Variants in RPGRIP1L observed in about 807,000 individuals in gnomAD.
The protein encoded by RPGRIP1L is protein fantom.
Under a neutral mutation model 160.4 loss-of-function variants are expected in RPGRIP1L, and 131 were observed. The ratio of observed to expected loss-of-function variants is 0.82; its 90% CI spans 0.71 to 0.94. The LOEUF is 0.94. RPGRIP1L is among the 40% of genes least tolerant of loss of function. The pLI is 0.00. For missense variants in RPGRIP1L, 1,522 were observed against 1,535.8 expected (o/e 0.99, Z 0.15); for synonymous variants, 510 against 515.8 (o/e 0.99, Z 0.15).
chr16:53,684,731 TAAAGTATA>T (rs1027912487), intron 6 of RPGRIP1L, among the ~76,000 whole-genome samples: 9 of 150,718 alleles, frequency 6.0e-5, no homozygotes, highest in Non-Finnish European at 1.2e-4. Flanking sequence ...CCCTAAAACT[TAAAGTATA>T]ATAATAATAA....
At chr16:53,679,447 G>A (rs1046589312) in intron 6 of RPGRIP1L, among the ~76,000 whole-genome samples, 3 of 151,514 alleles carry the variant, frequency 2.0e-5, no homozygotes, top group Non-Finnish European at 2.9e-5. Context: ...TGTCACCGAC[G>A]ATGGAGTGCA....
At position 53,692,176 on chromosome 16, in the gene RPGRIP1L, A is replaced by G. The variant is rs777015830; in HGVS notation, c.419T>C (p.Leu140Pro). 1 of 1,613,938 alleles carries G rather than the reference A, an allele frequency of 6.2e-7. No individual in the cohort carries two copies. The highest frequency in any genetic ancestry group is 1.7e-5 in the Admixed American group (1 of 59,992). The change falls in exon 4 of 27, where the codon CTT (leucine) becomes CCT (proline). Residue 140 changes from leucine to proline, a missense_variant. Coordinates refer to ENST00000647211, the MANE Select transcript of RPGRIP1L (RefSeq NM_015272.5). ...KNRLISAKQQ[L>P]QTQGYRQTPY... ...AGTTTGCCTGTAACCCTGGGTTTGAAGTTGCTGTTTGGCTGAAATCAGTCT... is the reference window on the plus strand; with the variant it reads ...AGTTTGCCTGTAACCCTGGGTTTGAGGTTGCTGTTTGGCTGAAATCAGTCT...
rs377004672 is a variant in RPGRIP1L, at chr16:53,692,315, G to A, written c.280C>T (p.Arg94Trp). 14 of 1,613,946 alleles carry A rather than the reference G, an allele frequency of 8.7e-6. No homozygotes were observed. The highest frequency in any genetic ancestry group is 1.6e-4 in the Middle Eastern group (1 of 6,062). ...RLVNDKKRYE[R>W]VGGGPKRLGR... ...AGCCGCTTGGGGCCGCCACCAACCC[G>A]CTCATATCTTTTCTTGTCATTAACT... The change falls in exon 4 of 27, where the codon CGG becomes TGG. Residue 94 changes from arginine (R) to tryptophan (W), a missense_variant. Coordinates refer to ENST00000647211, the MANE Select transcript of RPGRIP1L (RefSeq NM_015272.5).
At chr16:53,649,484 T>C (rs550368838) in intron 15 of RPGRIP1L, among the ~76,000 whole-genome samples, 8 of 152,316 alleles carry the variant, frequency 5.3e-5, no homozygotes, top group African/African-American at 1.9e-4. Flanking sequence ...GCACTCAATG[T>C]TGTCTGACAT....
chr16:53,702,944 C>G (rs1971577684), intron 1 of RPGRIP1L, among the ~76,000 whole-genome samples: 1 of 152,268 alleles, frequency 6.6e-6, no homozygotes, highest in East Asian at 1.9e-4. Flanking sequence ...GGAACAGTGC[C>G]TGGTACAGGG....
intron 6 of RPGRIP1L, among the ~76,000 whole-genome samples, chr16:53,679,775 C>G (rs1969472883): frequency 1.3e-5 from 2 of 152,120 alleles, no homozygotes; most frequent in South Asian, 4.1e-4. Context: ...ATACAAACAG[C>G]TAATTTAGTA....
chr16:53,614,866 A>G (rs1964258860), intron 24 of RPGRIP1L, among the ~76,000 whole-genome samples: 3 of 152,238 alleles, frequency 2.0e-5, no homozygotes, highest in African/African-American at 7.2e-5. Flanking sequence ...ACAAACTGGT[A>G]GTCCAAATAC....
Position 53,601,928 on chromosome 16 carries a change from A to T in RPGRIP1L, c.*148T>A. 1 of 661,162 alleles carries T rather than the reference A, an allele frequency of 1.5e-6. No individual in the cohort carries two copies. The highest frequency in any genetic ancestry group is 2.8e-6 in the Non-Finnish European group (1 of 362,348). The allele number at this position is 661,162 out of a possible 1,614,324, so 41.0% of individuals were successfully genotyped here. On this transcript the variant is annotated 3_prime_UTR_variant, in exon 27 of 27. Coordinates refer to ENST00000647211, the MANE Select transcript of RPGRIP1L (RefSeq NM_015272.5). ...ATAAACAAATGAAAAAGTATACAAAACTTCAACACTTCAAACCCAGGTCTC... is the reference window on the plus strand; with the variant it reads ...ATAAACAAATGAAAAAGTATACAAATCTTCAACACTTCAAACCCAGGTCTC...
At chr16:53,700,781 C>T in intron 1 of RPGRIP1L, 51 bp from the exon 2 acceptor site, 1 of 1,383,242 alleles carries the variant, frequency 7.2e-7, no homozygotes, top group Non-Finnish European at 1.0e-6. Context: ...ATTACATTAA[C>T]TATGCAATGG....
intron 16 of RPGRIP1L, among the ~76,000 whole-genome samples, chr16:53,648,626 G>GCGCACACACACA (rs1555602385): frequency 3.9e-4 from 56 of 144,086 alleles, no homozygotes; most frequent in Middle Eastern, 3.5e-3. Context: ...GCGCGCGCGC[G>GCGCACACACACA]CACACACACA....
chr16:53,666,006 C>G (rs1239895716), intron 9 of RPGRIP1L, among the ~76,000 whole-genome samples: 1 of 152,156 alleles, frequency 6.6e-6, no homozygotes, highest in Non-Finnish European at 1.5e-5. Flanking sequence ...GAATAATCAT[C>G]AGCAGCTTTG....
At chr16:53,657,428 T>C in intron 13 of RPGRIP1L, 25 bp downstream of exon 13, 8 of 1,492,292 alleles carry the variant, frequency 5.4e-6, no homozygotes, top group Non-Finnish European at 7.5e-6. Context: ...AAAACTTACT[T>C]TCCCCATTTA....
intron 24 of RPGRIP1L, among the ~76,000 whole-genome samples, chr16:53,618,081 T>C (rs772511833): frequency 1.3e-5 from 2 of 152,214 alleles, no homozygotes; most frequent in Admixed American, 6.5e-5. Flanking sequence ...CACAATAAAG[T>C]TGATTGATCT....
intron 24 of RPGRIP1L, among the ~76,000 whole-genome samples, chr16:53,615,721 C>A (rs1964335410): frequency 6.6e-6 from 1 of 151,854 alleles, no homozygotes; most frequent in Non-Finnish European, 1.5e-5. Context: ...ACCTCCGCCT[C>A]CCAAAGTGCT....
At chr16:53,618,690 C>T (rs1407461052) in intron 24 of RPGRIP1L, among the ~76,000 whole-genome samples, 3 of 152,046 alleles carry the variant, frequency 2.0e-5, no homozygotes, top group Non-Finnish European at 4.4e-5. Flanking sequence ...ACTACAGGAG[C>T]GCAACACCAT....
chr16:53,650,956 A>T (rs1966847930), intron 15 of RPGRIP1L, among the ~76,000 whole-genome samples: 1 of 152,022 alleles, frequency 6.6e-6, no homozygotes, highest in Admixed American at 6.6e-5. Context: ...ATGTGATTTT[A>T]TCTATGCTCA....
At chr16:53,680,552 C>A (rs1969526208) in intron 6 of RPGRIP1L, among the ~76,000 whole-genome samples, 2 of 151,922 alleles carry the variant, frequency 1.3e-5, no homozygotes, top group African/African-American at 4.8e-5. Context: ...GAAAATAAAA[C>A]AACAACAGCT....
At chr16:53,659,810 G>T (rs553678195) in intron 10 of RPGRIP1L, 1 of 152,320 alleles carries the variant, frequency 6.6e-6, no homozygotes, top group Non-Finnish European at 1.5e-5. Context: ...AGCCTGGGGA[G>T]TTGAGGCTGC....
intron 26 of RPGRIP1L, 59 bp downstream of exon 26, chr16:53,605,420 TAA>T (rs1963616108): frequency 7.5e-6 from 12 of 1,599,190 alleles, no homozygotes; most frequent in Non-Finnish European, 9.4e-6. Context: ...AAGGTTTTAA[TAA>T]AGAGTTTGGA....
Sources: gnomAD v4.1 joint callset for allele counts (sites outside exome capture counted in the v4.1 genomes callset) on GRCh38, gnomAD v4.1.1 for gene constraint, MANE v1.5 for transcripts, NCBI Gene and HGNC (gene_info 2026-07-23, HGNC 2026-07-21) for gene names.